MICALL1: variants seen among roughly 807,000 people sequenced by gnomAD.
MICALL1 encodes MICAL like 1.
MICALL1 carries 61 observed loss-of-function variants against 83.7 expected under a neutral mutation model. The observed-to-expected ratio is 0.73, with a 90% CI of 0.59 to 0.90. MICALL1 has a LOEUF of 0.90. Ranked by LOEUF, MICALL1 falls within the 40% of genes least tolerant of loss-of-function variation. The pLI, the probability that MICALL1 is intolerant of heterozygous loss-of-function variation, is 0.00. For synonymous variants in MICALL1, 481 were observed against 473.6 expected, an observed-to-expected ratio of 1.02 and a Z score of -0.20; for missense variants, 1,066 against 1,152.0, an observed-to-expected ratio of 0.93 and a Z score of 1.08.
At chr22:37,909,647 C>T (rs532972134) in intron 1 of MICALL1, among the ~76,000 whole-genome samples, 8 of 152,290 alleles carry the variant, frequency 5.3e-5, no homozygotes, top group South Asian at 2.1e-4. Flanking sequence ...TGTGAGCCAC[C>T]GCGCCTGGCC....
At position 37,912,481 on chromosome 22, in the gene MICALL1, G is replaced by T; in HGVS notation, c.326G>T (p.Ser109Ile). The T allele has an allele frequency of 6.2e-7, 1 of 1,608,258 alleles. No homozygotes were observed. The highest frequency in any genetic ancestry group is 8.5e-7 in the Non-Finnish European group (1 of 1,175,448). ...TCCCAGTATTACAACCACTTCTGCAGTCCTGGCCAAGGTGAGAGGGGGACT... is the reference window on the plus strand; with the variant it reads ...TCCCAGTATTACAACCACTTCTGCATTCCTGGCCAAGGTGAGAGGGGGACT... ...YVSQYYNHFC[S>I]PGQAGVSPPR... is the part of the protein sequence containing the mutation. The change falls in exon 3 of 16, where the codon AGT (serine) becomes ATT (isoleucine). Residue 109 changes from serine (S) to isoleucine (I), a missense_variant. Coordinates refer to ENST00000215957, the MANE Select transcript of MICALL1 (RefSeq NM_033386.4).
intron 8 of MICALL1, 153 bp from the exon 9 acceptor site, chr22:37,927,258 G>A (rs1301875143): frequency 6.7e-5 from 59 of 884,986 alleles, no homozygotes; most frequent in Non-Finnish European, 8.0e-5. Context: ...CCTGCCGGGC[G>A]TTTGCTGTTC....
At chr22:37,908,787 C>T (rs1388821076) in intron 1 of MICALL1, among the ~76,000 whole-genome samples, 1 of 152,128 alleles carries the variant, frequency 6.6e-6, no homozygotes, top group East Asian at 1.9e-4. Flanking sequence ...TATCAGAGGG[C>T]TGGGGGTGGG....
At chr22:37,934,605 T>A (rs1193987022) in intron 13 of MICALL1, among the ~76,000 whole-genome samples, 2 of 148,870 alleles carry the variant, frequency 1.3e-5, no homozygotes, top group African/African-American at 4.9e-5. Context: ...ATTATTATTA[T>A]TTTTTTTTTG....
Position 37,926,033 on chromosome 22 carries a change from G to A in MICALL1, c.1455G>A (p.Ala485=), listed in dbSNP as rs149812469. The A allele has an allele frequency of 3.1e-4, 489 of 1,599,946 alleles. 1 individual carries two copies. The highest frequency in any genetic ancestry group is 3.7e-4 in the Non-Finnish European group (436 of 1,171,718). The stretch of plus-strand genomic sequence containing the variant: ...GCCCTGCCCCGCGCGCACCCAGCGC[G>A]TCCCCACTGGGTGAGTGCCTTTCCT... ...KKRPAPRAPS[A]SPLALHASRL... Residue 485 remains alanine (A), a synonymous_variant, in exon 8 of 16, where the codon GCG becomes GCA. Transcript: ENST00000215957.
rs1930467985 is a variant in MICALL1, at chr22:37,942,143, C to T, written c.*1313C>T. 1 of 152,292 alleles carries T rather than the reference C, an allele frequency of 6.6e-6. No homozygotes were observed. The highest frequency in any genetic ancestry group is 6.5e-5 in the Admixed American group (1 of 15,284). 9.4% of individuals were successfully genotyped at this position (152,292 alleles called of 1,614,324 possible). A position where few individuals can be genotyped will look rare whatever the true frequency, so the allele number is the denominator to read the frequency against. On this transcript the variant is annotated 3_prime_UTR_variant, in exon 16 of 16. Transcript: ENST00000215957. ...ATCCTCCAAGAGGGATCTCTGCCCT[C>T]ACCGCCTGCCACTGGGCAGGATCCC...
intron 15 of MICALL1, 135 bp from the exon 16 acceptor site, chr22:37,940,574 C>G: frequency 1.9e-6 from 2 of 1,071,794 alleles, no homozygotes; most frequent in Non-Finnish European, 2.7e-6. Flanking sequence ...TTGTCCCTCC[C>G]AGGCTCCACA....
intron 9 of MICALL1, among the ~76,000 whole-genome samples, chr22:37,928,091 A>G (rs1929583749): frequency 2.0e-5 from 3 of 152,038 alleles, no homozygotes; most frequent in African/African-American, 7.2e-5. Context: ...TATTTTTAGT[A>G]GAGTGGGGTT....
At chr22:37,926,088 G>C (rs762993525) in intron 8 of MICALL1, 45 bp downstream of exon 8, 1 of 1,535,492 alleles carries the variant, frequency 6.5e-7, no homozygotes, top group South Asian at 1.2e-5. Flanking sequence ...GAACTCGGGG[G>C]TGGGGCCCGG....
At chr22:37,911,571 G>A in intron 1 of MICALL1, among the ~76,000 whole-genome samples, 1 of 152,222 alleles carries the variant, frequency 6.6e-6, no homozygotes, top group East Asian at 1.9e-4. Flanking sequence ...GCGCCCTGGG[G>A]GAGGTCACAT....
At chr22:37,920,477 CTT>C (rs904741708) in intron 5 of MICALL1, among the ~76,000 whole-genome samples, 1 of 151,878 alleles carries the variant, frequency 6.6e-6, no homozygotes, top group African/African-American at 2.4e-5. Flanking sequence ...GTTTTAGAAA[CTT>C]TTTACAGGCC....
chr22:37,908,393 C>T (rs561939271), intron 1 of MICALL1, among the ~76,000 whole-genome samples: 10 of 151,934 alleles, frequency 6.6e-5, no homozygotes, highest in East Asian at 3.9e-4. Context: ...CCCCACCTCC[C>T]GGGCTCAAGC....
In MICALL1 at chr22:37,940,756, A is replaced by C. The variant is rs1930390733; in HGVS notation, c.2518A>C (p.Lys840Gln). Residue 840 changes from lysine to glutamine, a missense_variant, in exon 16 of 16, where the codon AAG becomes CAG. Lys to Gln is a moderately conservative substitution (Grantham distance 53). Coordinates refer to ENST00000215957, the MANE Select transcript of MICALL1 (RefSeq NM_033386.4). ...EPEGKKKGKF[K>Q]TMKMLKLLGN... ...TGAGGGCAAGAAGAAGGGGAAGTTC[A>C]AGACCATGAAGATGTTGAAACTGCT... The C allele has an allele frequency of 6.2e-7, 1 of 1,614,166 alleles. No homozygotes were observed. Among genetic ancestry groups the C allele is most frequent in the Non-Finnish European group, 8.5e-7 (1 of 1,179,994 alleles).
Position 37,940,925 on chromosome 22 carries a change from C to G in MICALL1, c.*95C>G. On this transcript the variant is annotated 3_prime_UTR_variant, in exon 16 of 16. Coordinates refer to ENST00000215957, the MANE Select transcript of MICALL1 (RefSeq NM_033386.4). Reference sequence around the variant, plus strand: ...GGCGCCCTGCTCCCCTCAGATCAGTCAGGAGGAAGATGACTAAGGGGAGGG... The same window carrying G: ...GGCGCCCTGCTCCCCTCAGATCAGTGAGGAGGAAGATGACTAAGGGGAGGG... The G allele has an allele frequency of 1.3e-6, 2 of 1,516,184 alleles. No individual in the cohort carries two copies. Among genetic ancestry groups the G allele is most frequent in the Non-Finnish European group, 1.8e-6 (2 of 1,115,784 alleles). The allele number at this position is 1,516,184 out of a possible 1,614,324, so 93.9% of individuals were successfully genotyped here. A position where few individuals can be genotyped will look rare whatever the true frequency, so the allele number is the denominator to read the frequency against.
At chr22:37,940,519 C>T (rs576549381) in intron 15 of MICALL1, among the ~76,000 whole-genome samples, 190 bp from the exon 16 acceptor site, 1 of 151,670 alleles carries the variant, frequency 6.6e-6, no homozygotes, top group Non-Finnish European at 1.5e-5. Context: ...GAGGATGGGC[C>T]CCATCCTCTA....
chr22:37,939,626 T>C (rs1221393475), intron 15 of MICALL1, among the ~76,000 whole-genome samples: 2 of 151,566 alleles, frequency 1.3e-5, no homozygotes, highest in Non-Finnish European at 2.9e-5. Context: ...ATACAAAAAT[T>C]AGCCGCGCAT....
In MICALL1 at chr22:37,932,933, C is replaced by G. The variant is rs780273522; in HGVS notation, c.2234+45C>G. The G allele has an allele frequency of 1.2e-6, 2 of 1,612,688 alleles. No homozygotes were observed. Among genetic ancestry groups the G allele is most frequent in the Non-Finnish European group, 1.7e-6 (2 of 1,178,764 alleles). Reference sequence around the variant, plus strand: ...GCATCCCTCCCTGGAATCCGTAGAGCTTAGAATGGAGAACCCTTACCCTCT... The same window carrying G: ...GCATCCCTCCCTGGAATCCGTAGAGGTTAGAATGGAGAACCCTTACCCTCT... On this transcript the variant is annotated intron_variant, in intron 12 of 15. Transcript: ENST00000215957. This position sits in a 1 kb window ranked among gnomAD's most constrained non-coding sequence, Gnocchi z 4.4.
In MICALL1 at chr22:37,919,195, G is replaced by A. The variant is rs780250937; in HGVS notation, c.569+17G>A. 3.3e-5 allele frequency: 50 copies of A among 1,506,858 alleles called. No individual in the cohort carries two copies. Among genetic ancestry groups the A allele is most frequent in the Middle Eastern group, 4.1e-4 (2 of 4,854 alleles). 93.3% of individuals were successfully genotyped at this position (1,506,858 alleles called of 1,614,324 possible). ...CTGCTTCCGGTGAGTGGCCAGGGCCGCGTGTTACCCCCGAAACCAGGGAGG... is the reference window on the plus strand; with the variant it reads ...CTGCTTCCGGTGAGTGGCCAGGGCCACGTGTTACCCCCGAAACCAGGGAGG... On this transcript the variant is annotated intron_variant, in intron 5 of 15. Coordinates refer to ENST00000215957, the MANE Select transcript of MICALL1 (RefSeq NM_033386.4).
At chr22:37,908,704 C>G (rs1569133474) in intron 1 of MICALL1, among the ~76,000 whole-genome samples, 1 of 152,202 alleles carries the variant, frequency 6.6e-6, no homozygotes, top group African/African-American at 2.4e-5. Context: ...ATCGACAAAA[C>G]AGGCAACCCT....
Sources: allele counts gnomAD v4.1 joint callset (sites outside exome capture counted in the v4.1 genomes callset), GRCh38; gene constraint gnomAD v4.1.1; non-coding constraint Gnocchi (gnomAD v3.1); transcripts MANE v1.5; gene names NCBI Gene and HGNC (gene_info 2026-07-23, HGNC 2026-07-21).